Variants in BUB3 observed in about 807,000 individuals in gnomAD.
BUB3 encodes the protein mitotic checkpoint protein BUB3.
Under a neutral mutation model 39.9 loss-of-function variants are expected in BUB3, and 22 were observed. That is an observed-to-expected ratio of 0.55 (90% CI 0.39 to 0.79). BUB3 has a LOEUF of 0.79. BUB3 is among the 30% of genes least tolerant of loss of function. The pLI is 0.00. For synonymous variants in BUB3, 168 were observed against 155.1 expected (o/e 1.08, Z -0.62); for missense variants, 303 against 415.4 (o/e 0.73, Z 2.35).
Position 123,163,943 on chromosome 10 carries a change from T to C in BUB3, c.*108T>C. The C allele has an allele frequency of 7.4e-7, 1 of 1,351,830 alleles. No homozygotes were observed. The highest frequency in any genetic ancestry group is 1.5e-5 in the African/African-American group (1 of 65,560). The allele number at this position is 1,351,830 out of a possible 1,614,324, so 83.7% of individuals were successfully genotyped here. ...AAACCAGGGAAAATATTAATTTTAATATTATAACAACCTGAAAATAATGGA... is the reference window on the plus strand; with the variant it reads ...AAACCAGGGAAAATATTAATTTTAACATTATAACAACCTGAAAATAATGGA... On this transcript the variant is annotated 3_prime_UTR_variant, in exon 8 of 8. Coordinates refer to ENST00000368865, the MANE Select transcript of BUB3 (RefSeq NM_004725.4).
chr10:123,156,329 C>G (rs1396044703), intron 3 of BUB3, among the ~76,000 whole-genome samples: 5 of 152,138 alleles, frequency 3.3e-5, no homozygotes, highest in African/African-American at 1.2e-4. Flanking sequence ...TGGACTGGAG[C>G]CCAAATGCAT....
rs974407404 is a variant in BUB3 at position 123,169,271 on chromosome 10, A to G, written c.*5436A>G. On this transcript the variant is annotated 3_prime_UTR_variant, in exon 8 of 8. Coordinates refer to ENST00000368865, the MANE Select transcript of BUB3 (RefSeq NM_004725.4). ...TTTTACAAAATTTGGATCATATTAC[A>G]TAAATATCTTGCTTCATGCACTTAA... 2.0e-5 allele frequency: 3 copies of G among 152,236 alleles called. No individual in the cohort carries two copies. Among genetic ancestry groups the G allele is most frequent in the African/African-American group, 4.8e-5 (2 of 41,454 alleles). 9.4% of individuals were successfully genotyped at this position (152,236 alleles called of 1,614,324 possible). A position where few individuals can be genotyped will look rare whatever the true frequency, so the allele number is the denominator to read the frequency against.
chr10:123,154,510 C>T (rs1844319008), intron 1 of BUB3, 25 bp downstream of exon 1: 1 of 161,462 alleles, frequency 6.2e-6, no homozygotes. Context: ...CGACGGTGTG[C>T]GGGAGCGGGC....
chr10:123,161,730 C>T (rs1255514842), intron 5 of BUB3, among the ~76,000 whole-genome samples: 3 of 152,174 alleles, frequency 2.0e-5, no homozygotes, highest in Non-Finnish European at 4.4e-5. Context: ...TTGAATGTCC[C>T]TGAAAGTCTT....
intron 4 of BUB3, among the ~76,000 whole-genome samples, chr10:123,158,748 T>C (rs966273158): frequency 6.6e-6 from 1 of 152,240 alleles, no homozygotes; most frequent in African/African-American, 2.4e-5. Flanking sequence ...TGGTTGTATG[T>C]AACATGTTAA....
Position 123,162,220 on chromosome 10 carries a change from G to T in BUB3, c.577-16G>T, listed in dbSNP as rs1333386831. 2.5e-6 allele frequency: 4 copies of T among 1,591,244 alleles called. No homozygotes were observed. Among genetic ancestry groups the T allele is most frequent in the Admixed American group, 3.7e-5 (2 of 53,908 alleles). ...CTGGAATTTACCATTTTTTTCCTCT[G>T]GTTCTCTCTTGGCAGGGTTATGTAT... On this transcript the variant is annotated splice_polypyrimidine_tract_variant and intron_variant, in intron 5 of 7. Coordinates refer to ENST00000368865, the MANE Select transcript of BUB3 (RefSeq NM_004725.4).
chr10:123,163,630 C>A (rs560462493), intron 7 of BUB3, among the ~76,000 whole-genome samples, 190 bp from the exon 8 acceptor site: 1 of 152,288 alleles, frequency 6.6e-6, no homozygotes, highest in Non-Finnish European at 1.5e-5. Flanking sequence ...GGTTGAGCCC[C>A]TAAGAGGGGG....
chr10:123,162,506 T>C, intron 6 of BUB3, 93 bp downstream of exon 6: 1 of 1,555,534 alleles, frequency 6.4e-7, no homozygotes, highest in Non-Finnish European at 8.7e-7. Flanking sequence ...GTACAGTGCT[T>C]TAGGGAAATG....
In BUB3 at chr10:123,164,638, A is replaced by G; in HGVS notation, c.*803A>G. 1 of 994,096 alleles carries G rather than the reference A, an allele frequency of 1.0e-6. No homozygotes were observed. Among genetic ancestry groups the G allele is most frequent in the Non-Finnish European group, 1.2e-6 (1 of 835,628 alleles). The allele number at this position is 994,096 out of a possible 1,614,324, so 61.6% of individuals were successfully genotyped here. A position where few individuals can be genotyped will look rare whatever the true frequency, so the allele number is the denominator to read the frequency against. ...CTATTTGGACCTGTTTCTATCTCTAAATGAATTTTTGGAAACATTAATGAG... is the reference window on the plus strand; with the variant it reads ...CTATTTGGACCTGTTTCTATCTCTAGATGAATTTTTGGAAACATTAATGAG... On this transcript the variant is annotated 3_prime_UTR_variant, in exon 8 of 8. Coordinates refer to ENST00000368865, the MANE Select transcript of BUB3 (RefSeq NM_004725.4).
At position 123,155,074 on chromosome 10, in the gene BUB3, T is replaced by C. The variant is rs1356015348; in HGVS notation, c.157T>C (p.Tyr53His). ...DVPANSMRLK[Y>H]QHTGAVLDCA... is the part of the protein sequence containing the mutation. The stretch of plus-strand genomic sequence containing the variant: ...GCCGGCCAACTCCATGCGGCTCAAG[T>C]ACCAGCACACCGGCGCCGTCCTGGA... The change falls in exon 2 of 8, where the codon TAC becomes CAC. Residue 53 changes from tyrosine to histidine, a missense_variant. By Grantham distance (83) the Tyr-to-His change is moderately conservative. Around this residue, in one of 2 missense-constraint regions of BUB3, gnomAD observed 121 missense variants for 122.3 expected, o/e 0.99. Coordinates refer to ENST00000368865, the MANE Select transcript of BUB3 (RefSeq NM_004725.4). The C allele has an allele frequency of 6.2e-7, 1 of 1,614,000 alleles. No individual in the cohort carries two copies. The highest frequency in any genetic ancestry group is 8.5e-7 in the Non-Finnish European group (1 of 1,180,030).
intron 7 of BUB3, 28 bp downstream of exon 7, chr10:123,162,856 C>T (rs1564784233): frequency 3.8e-6 from 6 of 1,587,362 alleles, no homozygotes; most frequent in African/African-American, 1.3e-5. Context: ...GTATTTGAGC[C>T]TTTTCTTGCA....
chr10:123,165,530 C>CATA lies in BUB3; in HGVS notation c.*1697_*1699dup, dbSNP rs1844481753. The CATA allele has an allele frequency of 6.6e-6, 1 of 152,464 alleles. No homozygotes were observed. The highest frequency in any genetic ancestry group is 1.5e-5 in the Non-Finnish European group (1 of 68,482). 9.4% of individuals were successfully genotyped at this position (152,464 alleles called of 1,614,324 possible). A position where few individuals can be genotyped will look rare whatever the true frequency, so the allele number is the denominator to read the frequency against. On this transcript the variant is annotated 3_prime_UTR_variant, in exon 8 of 8. Coordinates refer to ENST00000368865, the MANE Select transcript of BUB3 (RefSeq NM_004725.4). ...GATGTGTGTTGGGGATTCAGTCCTGCATAAAGTGATTTGTTGGAGTTCAGC... is the reference window on the plus strand; with the variant it reads ...GATGTGTGTTGGGGATTCAGTCCTGCATAATAAAGTGATTTGTTGGAGTTCAGC...
chr10:123,159,708 A>T (rs1292858456), intron 4 of BUB3, among the ~76,000 whole-genome samples: 1 of 152,214 alleles, frequency 6.6e-6, no homozygotes, highest in Non-Finnish European at 1.5e-5. Flanking sequence ...ACTTTTAAAA[A>T]TTTTCCCTAA....
At position 123,167,858 on chromosome 10, in the gene BUB3, AC is replaced by A. The variant is rs1285237608; in HGVS notation, c.*4025del. The A allele has an allele frequency of 1.3e-5, 2 of 152,194 alleles. No individual in the cohort carries two copies. The highest frequency in any genetic ancestry group is 2.9e-5 in the Non-Finnish European group (2 of 68,038). 9.4% of individuals were successfully genotyped at this position (152,194 alleles called of 1,614,324 possible). A position where few individuals can be genotyped will look rare whatever the true frequency, so the allele number is the denominator to read the frequency against. ...TACATGTATACATTGTGAAATGATT[AC>A]CACAAGGAGGTTACTAAACATCTCC... On this transcript the variant is annotated 3_prime_UTR_variant, in exon 8 of 8. Transcript: ENST00000368865.
rs1461010219 is a variant in BUB3 at position 123,167,690 on chromosome 10, A to G, written c.*3855A>G. On this transcript the variant is annotated 3_prime_UTR_variant, in exon 8 of 8. Transcript: ENST00000368865. The stretch of plus-strand genomic sequence containing the variant: ...AAGCATTTAGTGTCTTAGAAGTGAT[A>G]TGTTTACTGCAGAAAAATTTGGATA... 6.6e-6 allele frequency: 1 copy of G among 152,212 alleles called. No individual in the cohort carries two copies. The highest frequency in any genetic ancestry group is 1.5e-5 in the Non-Finnish European group (1 of 68,044). 9.4% of individuals were successfully genotyped at this position (152,212 alleles called of 1,614,324 possible).
chr10:123,163,044 G>T, intron 7 of BUB3: 1 of 538,924 alleles, frequency 1.9e-6, no homozygotes, highest in Non-Finnish European at 3.2e-6. Flanking sequence ...TTGTAGAGAA[G>T]AATGTCAAAC....
intron 1 of BUB3, 103 bp from the exon 2 acceptor site, chr10:123,154,801 AGTCTCCTCGCGGTC>A (rs1286967038): frequency 1.8e-6 from 2 of 1,110,736 alleles, no homozygotes; most frequent in African/African-American, 3.2e-5. Flanking sequence ...GCAAGCGCAG[AGTCTCCTCGCGGTC>A]GTCCTCTCGG....
At position 123,165,008 on chromosome 10, in the gene BUB3, T is replaced by G. The variant is rs1469441905; in HGVS notation, c.*1173T>G. On this transcript the variant is annotated 3_prime_UTR_variant, in exon 8 of 8. Coordinates refer to ENST00000368865, the MANE Select transcript of BUB3 (RefSeq NM_004725.4). ...TATTTCAGTGAAAACTTGGTGTAAG[T>G]CTGAACCCATCTTTTGAAATGTATT... 3 of 1,611,982 alleles carry G rather than the reference T, an allele frequency of 1.9e-6. No homozygotes were observed. The highest frequency in any genetic ancestry group is 2.7e-5 in the African/African-American group (2 of 74,828).
Position 123,157,378 on chromosome 10 carries a change from C to T in BUB3, c.266-351C>T, listed in dbSNP as rs111891870. On this transcript the variant is annotated intron_variant, in intron 3 of 7. Transcript: ENST00000368865. ...CCTGTACCAGACCTTGCACTAGATA[C>T]GGGCAGAGATCACAGAGGTAAACGC... 6.1e-3 allele frequency among the ~76,000 whole-genome samples: 934 copies of T among 152,292 alleles called. 4 individuals are homozygous for T. The highest frequency in any genetic ancestry group is 8.0e-3 in the Non-Finnish European group (546 of 68,036).
Sources: gnomAD v4.1 joint callset for allele counts (sites outside exome capture counted in the v4.1 genomes callset) on GRCh38, gnomAD v4.1.1 for gene constraint, gnomAD v4.1.1 regional missense constraint, MANE v1.5 for transcripts, NCBI Gene and HGNC (gene_info 2026-07-23, HGNC 2026-07-21) for gene names.